The following KCNN2 variants were observed in gnomAD, a reference collection of about 807,000 sequenced individuals.
The protein encoded by KCNN2 is small conductance calcium-activated potassium channel protein 2.
KCNN2 carries 24 observed loss-of-function variants against 55.5 expected under a neutral mutation model. The observed-to-expected ratio is 0.43, with a 90% CI of 0.31 to 0.61. KCNN2 has a LOEUF of 0.61. Among genes scored for constraint, KCNN2 ranks in the 20% least tolerant of loss-of-function variants. KCNN2 has a pLI of 0.08. For missense variants in KCNN2, 754 were observed against 853.6 expected (o/e 0.88, Z 1.45); for synonymous variants, 431 against 336.1 (o/e 1.28, Z -3.09).
chr5:114,146,401 A>G (rs1752398244), intron 1 of KCNN2, among the ~76,000 whole-genome samples: 1 of 152,162 alleles, frequency 6.6e-6, no homozygotes, highest in African/African-American at 2.4e-5. Context: ...GCCACTGATC[A>G]AGAAAATTTT....
chr5:114,401,365 T>A (rs337705), intron 2 of KCNN2, among the ~76,000 whole-genome samples: 2 of 151,908 alleles, frequency 1.3e-5, no homozygotes, highest in Admixed American at 1.3e-4. Flanking sequence ...TGAATGTGTC[T>A]TACATTCACT....
intron 3 of KCNN2, among the ~76,000 whole-genome samples, chr5:114,426,611 C>G (rs978347701): frequency 6.6e-6 from 1 of 151,914 alleles, no homozygotes; most frequent in Non-Finnish European, 1.5e-5. Flanking sequence ...TTTTATAGGC[C>G]TCTCATTTTT....
At chr5:114,414,150 C>T (rs1252891025) in intron 3 of KCNN2, among the ~76,000 whole-genome samples, 13 of 151,774 alleles carry the variant, frequency 8.6e-5, no homozygotes, top group Admixed American at 8.5e-4. Context: ...TAAAATGTTT[C>T]CTTAATGTAA....
intron 2 of KCNN2, among the ~76,000 whole-genome samples, chr5:114,257,386 G>A (rs1232696331): frequency 1.3e-5 from 2 of 151,312 alleles, no homozygotes; most frequent in Admixed American, 6.6e-5. Flanking sequence ...TTTTTATTCT[G>A]TGAAAAATGA....
chr5:114,117,124 C>T (rs533969184), intron 1 of KCNN2, among the ~76,000 whole-genome samples: 2 of 152,290 alleles, frequency 1.3e-5, no homozygotes, highest in East Asian at 3.9e-4. Flanking sequence ...TTACTTTTTA[C>T]ATGAGAGATC....
chr5:114,353,242 G>T (rs1757243661), intron 2 of KCNN2, among the ~76,000 whole-genome samples: 1 of 151,636 alleles, frequency 6.6e-6, no homozygotes, highest in Non-Finnish European at 1.5e-5. Context: ...TGGTATAACA[G>T]ACAGTAGATA....
chr5:114,315,382 TA>T, intron 2 of KCNN2, among the ~76,000 whole-genome samples: 1 of 151,212 alleles, frequency 6.6e-6, no homozygotes, highest in South Asian at 2.1e-4. Context: ...CACACTAAAA[TA>T]AGCAGGTTTA....
chr5:114,103,336 G>A (rs1751411058), intron 1 of KCNN2, among the ~76,000 whole-genome samples: 1 of 152,100 alleles, frequency 6.6e-6, no homozygotes. Context: ...CTGAGATGAT[G>A]GGGTTTTCTA....
intron 1 of KCNN2, among the ~76,000 whole-genome samples, chr5:114,160,832 C>T (rs1752758696): frequency 6.6e-6 from 1 of 152,006 alleles, no homozygotes; most frequent in South Asian, 2.1e-4. Flanking sequence ...GCAACCCCTG[C>T]CTTTTTTTGT....
intron 2 of KCNN2, among the ~76,000 whole-genome samples, chr5:114,335,495 A>G (rs1359177521): frequency 6.6e-6 from 1 of 152,122 alleles, no homozygotes; most frequent in African/African-American, 2.4e-5. Context: ...CCCTATTTTT[A>G]TCTTACTTTC....
intron 3 of KCNN2, among the ~76,000 whole-genome samples, chr5:114,426,837 T>C (rs1036925203): frequency 1.3e-5 from 2 of 152,208 alleles, no homozygotes; most frequent in African/African-American, 4.8e-5. Context: ...CCCTTTGCGA[T>C]TGTAGTTTTA....
chr5:114,209,933 A>AT (rs755402305), intron 1 of KCNN2, among the ~76,000 whole-genome samples: 176 of 126,048 alleles, frequency 1.4e-3, no homozygotes, highest in African/African-American at 4.6e-3. Flanking sequence ...TCCTAAAATC[A>AT]TTTTATTTTC....
At chr5:114,154,014 C>T (rs1279867736) in intron 1 of KCNN2, among the ~76,000 whole-genome samples, 1 of 152,198 alleles carries the variant, frequency 6.6e-6, no homozygotes, top group Non-Finnish European at 1.5e-5. Context: ...GACAGCTCCT[C>T]CTGTGTTCTG....
At chr5:114,394,951 T>A (rs1400493670) in intron 2 of KCNN2, among the ~76,000 whole-genome samples, 1 of 152,246 alleles carries the variant, frequency 6.6e-6, no homozygotes, top group Non-Finnish European at 1.5e-5. Flanking sequence ...CTGGCTATTC[T>A]ACTTACTTTC....
intron 1 of KCNN2, among the ~76,000 whole-genome samples, chr5:114,197,576 C>G (rs1753583313): frequency 6.6e-6 from 1 of 152,172 alleles, no homozygotes; most frequent in Admixed American, 6.5e-5. Flanking sequence ...CTTGCAGCTT[C>G]TGGGGTAGAG....
intron 1 of KCNN2, among the ~76,000 whole-genome samples, chr5:114,189,316 G>T (rs2112561303): frequency 6.6e-6 from 1 of 152,240 alleles, no homozygotes; most frequent in East Asian, 1.9e-4. Context: ...AGAGCTGATG[G>T]AGTAAGTTCC....
chr5:114,199,261 A>C (rs1753620776), intron 1 of KCNN2, among the ~76,000 whole-genome samples: 1 of 152,044 alleles, frequency 6.6e-6, no homozygotes, highest in South Asian at 2.1e-4. Flanking sequence ...TTGGTGTTCC[A>C]TTTGAGTGTA....
chr5:114,216,211 G>A (rs145916140), intron 1 of KCNN2, among the ~76,000 whole-genome samples: 13 of 152,142 alleles, frequency 8.5e-5, no homozygotes, highest in South Asian at 4.2e-4. Flanking sequence ...AACAACATGA[G>A]AAACAATGAA....
At chr5:114,480,579 C>A (rs1176684358) in intron 5 of KCNN2, among the ~76,000 whole-genome samples, 1 of 151,566 alleles carries the variant, frequency 6.6e-6, no homozygotes, top group East Asian at 1.9e-4. Context: ...TAGTCAATAT[C>A]TCAATATCCT....
Sources: allele counts gnomAD v4.1 joint callset (sites outside exome capture counted in the v4.1 genomes callset), GRCh38; gene constraint gnomAD v4.1.1; transcripts MANE v1.5; gene names NCBI Gene and HGNC (gene_info 2026-07-23, HGNC 2026-07-21).